Variants in NPAS3 observed in about 807,000 individuals in gnomAD.
NPAS3 encodes the protein neuronal PAS domain protein 3, also known as neuronal PAS domain-containing protein 3.
Under a neutral mutation model 73.1 loss-of-function variants are expected in NPAS3, and 14 were observed. The observed-to-expected ratio is 0.19, with a 90% CI of 0.13 to 0.30. The LOEUF (loss-of-function observed/expected upper bound fraction) is 0.30. NPAS3 is among the 10% of genes least tolerant of loss of function. NPAS3 has a pLI of 1.00. For missense variants in NPAS3, 1,096 were observed against 1,250.0 expected (o/e 0.88, Z 1.86); for synonymous variants, 620 against 541.5 (o/e 1.14, Z -2.01).
chr14:33,208,254 G>A (rs1490266823), intron 2 of NPAS3, among the ~76,000 whole-genome samples: 1 of 152,098 alleles, frequency 6.6e-6, no homozygotes, highest in Non-Finnish European at 1.5e-5. Flanking sequence ...TTATTCAAGG[G>A]TTATTTGAAT....
chr14:33,081,350 G>C (rs1395828378), intron 2 of NPAS3, among the ~76,000 whole-genome samples: 1 of 152,022 alleles, frequency 6.6e-6, no homozygotes, highest in African/African-American at 2.4e-5. Flanking sequence ...TCTGGTTTAA[G>C]AGAGAGGAAA....
chr14:33,053,709 C>CA (rs759978729), intron 1 of NPAS3, among the ~76,000 whole-genome samples: 11 of 152,120 alleles, frequency 7.2e-5, no homozygotes, highest in Non-Finnish European at 1.3e-4. Flanking sequence ...TTAAACCTGA[C>CA]AGTTTCCTCT....
intron 3 of NPAS3, among the ~76,000 whole-genome samples, chr14:33,331,235 T>A (rs4981184): frequency 0.49 from 75,136 of 152,026 alleles, 19,664 homozygotes; most frequent in Admixed American, 0.63. Context: ...ATAATACATG[T>A]GCAAGAAAAC....
At chr14:33,530,994 A>G (rs1464640981) in intron 4 of NPAS3, among the ~76,000 whole-genome samples, 1 of 152,102 alleles carries the variant, frequency 6.6e-6, no homozygotes, top group Non-Finnish European at 1.5e-5. Flanking sequence ...AACAGTAAGC[A>G]GTAGATGAAG....
chr14:32,993,514 G>C (rs1049255191), intron 1 of NPAS3, among the ~76,000 whole-genome samples: 35 of 152,102 alleles, frequency 2.3e-4, no homozygotes, highest in African/African-American at 7.2e-4. Context: ...ATAAGCAAAT[G>C]CGCAAAGTGA....
chr14:33,319,249 C>T (rs144682535), intron 3 of NPAS3, among the ~76,000 whole-genome samples: 1 of 152,240 alleles, frequency 6.6e-6, no homozygotes, highest in East Asian at 1.9e-4. Flanking sequence ...TAGGCAGGAG[C>T]TAACACAGTG....
At chr14:33,102,506 A>G (rs1364100110) in intron 2 of NPAS3, among the ~76,000 whole-genome samples, 1 of 152,180 alleles carries the variant, frequency 6.6e-6, no homozygotes, top group East Asian at 1.9e-4. Context: ...TGCTTACCGG[A>G]CTAAGTAAAT....
chr14:33,419,879 C>T lies in NPAS3; in HGVS notation c.468+52611C>T, dbSNP rs534386855. 1.7e-4 allele frequency among the ~76,000 whole-genome samples: 26 copies of T among 151,992 alleles called. No homozygotes were observed. In the East Asian group the frequency reaches 5.0e-3, roughly 29 times the overall value. The stretch of plus-strand genomic sequence containing the variant: ...AGTGAGATTGCGGGAGCAATTGATA[C>T]CCAAGTGGAGCCCGTTCAGAGTGAC... On this transcript the variant is annotated intron_variant, in intron 4 of 11. Coordinates refer to ENST00000356141, the Ensembl canonical transcript of NPAS3.
intron 1 of NPAS3, among the ~76,000 whole-genome samples, chr14:33,032,862 C>T (rs1000201779): frequency 2.6e-5 from 4 of 152,144 alleles, no homozygotes; most frequent in African/African-American, 7.2e-5. Flanking sequence ...ACGATAAATG[C>T]GAAGTCCCAA....
At chr14:33,223,336 CA>C (rs1367018511) in intron 3 of NPAS3, among the ~76,000 whole-genome samples, 2 of 152,090 alleles carry the variant, frequency 1.3e-5, no homozygotes, top group Non-Finnish European at 2.9e-5. Context: ...ACTGTAGTCT[CA>C]AGAAAACCAT....
At chr14:33,157,255 A>C (rs2139283833) in intron 2 of NPAS3, among the ~76,000 whole-genome samples, 1 of 152,328 alleles carries the variant, frequency 6.6e-6, no homozygotes. Flanking sequence ...TCTTTGACAT[A>C]TTTTGCAGGT....
intron 3 of NPAS3, among the ~76,000 whole-genome samples, chr14:33,239,639 C>G (rs1191646818): frequency 2.6e-5 from 4 of 151,806 alleles, no homozygotes; most frequent in Non-Finnish European, 5.9e-5. Context: ...AATTTATTTT[C>G]AACACTTGAG....
At chr14:33,006,488 G>C (rs1362166964) in intron 1 of NPAS3, among the ~76,000 whole-genome samples, 1 of 152,176 alleles carries the variant, frequency 6.6e-6, no homozygotes, top group African/African-American at 2.4e-5. Context: ...TTTTTGGTGA[G>C]TAATTGGCAG....
At chr14:33,466,702 G>T (rs953600657) in intron 4 of NPAS3, among the ~76,000 whole-genome samples, 8 of 152,132 alleles carry the variant, frequency 5.3e-5, no homozygotes, top group Admixed American at 5.2e-4. Context: ...AGGGAGAGAG[G>T]CGTCTCACAT....
At chr14:32,992,055 G>A (rs1216294905) in intron 1 of NPAS3, among the ~76,000 whole-genome samples, 1 of 152,152 alleles carries the variant, frequency 6.6e-6, no homozygotes, top group Non-Finnish European at 1.5e-5. Flanking sequence ...ACTTAGAAGG[G>A]GCCCAGTGAG....
chr14:33,504,197 G>GAGGACC (rs974320015), intron 4 of NPAS3, among the ~76,000 whole-genome samples: 20 of 152,032 alleles, frequency 1.3e-4, no homozygotes, highest in African/African-American at 4.3e-4. Context: ...CATCATACAT[G>GAGGACC]AGGACCCAAT....
intron 4 of NPAS3, among the ~76,000 whole-genome samples, chr14:33,470,597 C>T (rs2139599886): frequency 6.6e-6 from 1 of 152,214 alleles, no homozygotes; most frequent in African/African-American, 2.4e-5. Flanking sequence ...TAGGAAAATT[C>T]TTTAGAGGTG....
chr14:33,171,571 C>A (rs558018297), intron 2 of NPAS3, among the ~76,000 whole-genome samples: 3 of 152,332 alleles, frequency 2.0e-5, no homozygotes, highest in Non-Finnish European at 4.4e-5. Flanking sequence ...CTTCATAGAA[C>A]TGAACAGAGT....
At chr14:33,234,026 C>T (rs1207823723) in intron 3 of NPAS3, among the ~76,000 whole-genome samples, 2 of 152,050 alleles carry the variant, frequency 1.3e-5, no homozygotes, top group African/African-American at 2.4e-5. Flanking sequence ...AGATAAAGCA[C>T]GAGTGGAAAA....
Sources: gnomAD v4.1 joint callset for allele counts (sites outside exome capture counted in the v4.1 genomes callset) on GRCh38, gnomAD v4.1.1 for gene constraint, MANE v1.5 for transcripts, NCBI Gene and HGNC (gene_info 2026-07-23, HGNC 2026-07-21) for gene names.